The following SCN8A variants were observed in gnomAD, a reference collection of about 807,000 sequenced individuals.
SCN8A encodes sodium channel protein type 8 subunit alpha.
In SCN8A, 30 loss-of-function variants were observed where a neutral mutation model predicts 184.1. The ratio of observed to expected loss-of-function variants is 0.16; its 90% CI spans 0.12 to 0.22. The LOEUF is 0.22. SCN8A is among the 10% of genes least tolerant of loss of function. SCN8A has a pLI of 1.00. For missense variants in SCN8A, 1,057 were observed against 2,498.9 expected, an observed-to-expected ratio of 0.42 and a Z score of 12.30; for synonymous variants, 852 against 907.0, an observed-to-expected ratio of 0.94 and a Z score of 1.09.
At chr12:51,622,344 A>G (rs1031695477) in intron 1 of SCN8A, among the ~76,000 whole-genome samples, 15 of 152,180 alleles carry the variant, frequency 9.9e-5, no homozygotes, top group Non-Finnish European at 1.5e-4. Flanking sequence ...GGATTTTACC[A>G]CTTTTCACAC....
intron 1 of SCN8A, among the ~76,000 whole-genome samples, chr12:51,604,240 T>C (rs1939533677): frequency 6.6e-6 from 1 of 150,906 alleles, no homozygotes; most frequent in African/African-American, 2.5e-5. Context: ...GTATTAGATA[T>C]GAGATTTAGG....
intron 14 of SCN8A, among the ~76,000 whole-genome samples, chr12:51,758,961 T>TACACATAC (rs1407371937): frequency 6.6e-6 from 1 of 150,964 alleles, no homozygotes; most frequent in Non-Finnish European, 1.5e-5. Flanking sequence ...CACACACATA[T>TACACATAC]ACACATACAT....
At chr12:51,742,170 T>C (rs1015547876) in intron 12 of SCN8A, among the ~76,000 whole-genome samples, 1 of 152,216 alleles carries the variant, frequency 6.6e-6, no homozygotes, top group Non-Finnish European at 1.5e-5. Flanking sequence ...GTTGTTGTAG[T>C]TATTATTTAT....
At chr12:51,613,898 A>G (rs1939776244) in intron 1 of SCN8A, among the ~76,000 whole-genome samples, 1 of 152,114 alleles carries the variant, frequency 6.6e-6, no homozygotes, top group Admixed American at 6.5e-5. Flanking sequence ...TTATTCCATT[A>G]TGATTAGAGA....
chr12:51,633,624 C>G, intron 1 of SCN8A, among the ~76,000 whole-genome samples: 1 of 152,194 alleles, frequency 6.6e-6, no homozygotes, highest in East Asian at 1.9e-4. Context: ...TGCCTCAGCA[C>G]TTCCTCTGTT....
chr12:51,623,470 T>C (rs1940007341), intron 1 of SCN8A, among the ~76,000 whole-genome samples: 1 of 152,198 alleles, frequency 6.6e-6, no homozygotes, highest in African/African-American at 2.4e-5. Flanking sequence ...AGTTTACTTA[T>C]TTGTTCAAAC....
chr12:51,601,890 G>T (rs1939474660), intron 1 of SCN8A, among the ~76,000 whole-genome samples: 1 of 133,328 alleles, frequency 7.5e-6, no homozygotes, highest in Non-Finnish European at 1.6e-5. Context: ...TAAGAGCAAT[G>T]CATTTAATAC....
At chr12:51,637,985 G>A (rs558696498) in intron 1 of SCN8A, among the ~76,000 whole-genome samples, 19 of 152,148 alleles carry the variant, frequency 1.2e-4, no homozygotes, top group African/African-American at 3.6e-4. Flanking sequence ...GGAAGCCAGC[G>A]CTTATTTACC....
chr12:51,680,906 A>G (rs1335563488), intron 2 of SCN8A, among the ~76,000 whole-genome samples: 2 of 152,094 alleles, frequency 1.3e-5, no homozygotes, highest in African/African-American at 4.8e-5. Flanking sequence ...GGGGAGGCTG[A>G]AGCAGGAAAA....
chr12:51,687,488 T>G (rs1037746884), intron 5 of SCN8A, among the ~76,000 whole-genome samples: 20 of 152,268 alleles, frequency 1.3e-4, no homozygotes, highest in African/African-American at 3.4e-4. Flanking sequence ...CCATTGGCAC[T>G]CTCTCGTATT....
rs1319565931 is a variant in SCN8A at position 51,776,127 on chromosome 12, C to T, written c.3819+1765C>T. ...ACCTCAGCCTCCCGAGTAGCTGGGG[C>T]TGCAGGCACACACCACCATGCCTGG... On this transcript the variant is annotated intron_variant, in intron 20 of 26. Coordinates refer to ENST00000627620, the MANE Select transcript of SCN8A (RefSeq NM_001330260.2). Among the ~76,000 whole-genome samples the T allele has an allele frequency of 3.3e-5, 5 of 152,284 alleles. No individual in the cohort carries two copies. The East Asian group carries it at 9.7e-4, about 29-fold the overall frequency.
chr12:51,633,757 G>A lies in SCN8A; in HGVS notation c.-54-29007G>A, dbSNP rs74495575. Reference sequence around the variant, plus strand: ...TTGTCTCTTAGTGTTCCATGTTGACGTAATCATATGCATTTTATTTGATTA... The same window carrying A: ...TTGTCTCTTAGTGTTCCATGTTGACATAATCATATGCATTTTATTTGATTA... On this transcript the variant is annotated intron_variant, in intron 1 of 26. Transcript: ENST00000627620. 4.4e-3 allele frequency among the ~76,000 whole-genome samples: 671 copies of A among 152,274 alleles called. 5 individuals carry two copies. The highest frequency in any genetic ancestry group is 0.015 in the African/African-American group (640 of 41,536).
intron 2 of SCN8A, among the ~76,000 whole-genome samples, chr12:51,664,107 T>C (rs549535224): frequency 6.6e-6 from 1 of 151,890 alleles, no homozygotes; most frequent in Non-Finnish European, 1.5e-5. Flanking sequence ...GTTCTTTCAC[T>C]GGGAAATCTA....
chr12:51,703,206 C>T (rs1463993087), intron 9 of SCN8A, among the ~76,000 whole-genome samples: 4 of 151,580 alleles, frequency 2.6e-5, no homozygotes, highest in African/African-American at 9.7e-5. Flanking sequence ...CAGCATATCT[C>T]CTTTTGGATA....
intron 1 of SCN8A, among the ~76,000 whole-genome samples, chr12:51,647,055 T>C (rs931941171): frequency 3.9e-5 from 6 of 152,166 alleles, no homozygotes; most frequent in African/African-American, 1.4e-4. Flanking sequence ...TAGATTAAAA[T>C]ATCTAAGTAC....
chr12:51,721,369 A>G (rs1480113468), intron 11 of SCN8A, among the ~76,000 whole-genome samples, 177 bp from the exon 12 acceptor site: 1 of 151,974 alleles, frequency 6.6e-6, no homozygotes, highest in Non-Finnish European at 1.5e-5. Flanking sequence ...GTGAGTAACA[A>G]TGGGTGATGA....
chr12:51,727,210 A>G (rs1023641871), intron 12 of SCN8A, among the ~76,000 whole-genome samples: 1 of 152,056 alleles, frequency 6.6e-6, no homozygotes, highest in Admixed American at 6.5e-5. Context: ...AATGGAACAA[A>G]CTTGTACGGG....
intron 12 of SCN8A, among the ~76,000 whole-genome samples, chr12:51,736,197 G>A (rs1350646446): frequency 6.6e-6 from 1 of 152,218 alleles, no homozygotes; most frequent in Non-Finnish European, 1.5e-5. Flanking sequence ...AGAGAAAAAT[G>A]TAGCTAGAGC....
At chr12:51,738,464 T>C (rs1942364078) in intron 12 of SCN8A, among the ~76,000 whole-genome samples, 1 of 152,194 alleles carries the variant, frequency 6.6e-6, no homozygotes, top group African/African-American at 2.4e-5. Context: ...GAAATGTCCG[T>C]TCCTGTATCT....
Sources: gnomAD v4.1 joint callset for allele counts (sites outside exome capture counted in the v4.1 genomes callset) on GRCh38, gnomAD v4.1.1 for gene constraint, MANE v1.5 for transcripts, NCBI Gene and HGNC (gene_info 2026-07-23, HGNC 2026-07-21) for gene names.